Variants in PRKCE observed in about 807,000 individuals in gnomAD.
The protein encoded by PRKCE is protein kinase C epsilon.
PRKCE carries 16 observed loss-of-function variants against 85.4 expected under a neutral mutation model. That is an observed-to-expected ratio of 0.19 (90% confidence interval 0.13 to 0.28). PRKCE has a LOEUF of 0.28. PRKCE is among the 10% of genes least tolerant of loss of function. The probability of loss-of-function intolerance (pLI) is 1.00; values close to 1 mark genes in which losing one functional copy is unlikely to be tolerated. For missense variants in PRKCE, 573 were observed against 975.2 expected (o/e 0.59, Z 5.49); for synonymous variants, 388 against 371.5 (o/e 1.04, Z -0.51).
At chr2:45,838,136 G>C (rs915295864) in intron 1 of PRKCE, among the ~76,000 whole-genome samples, 2 of 152,204 alleles carry the variant, frequency 1.3e-5, no homozygotes, top group Non-Finnish European at 2.9e-5. Flanking sequence ...AGGTGTCTGA[G>C]GTATTGCTGT....
chr2:46,179,960 GC>G (rs1679807193), intron 14 of PRKCE, among the ~76,000 whole-genome samples: 1 of 152,198 alleles, frequency 6.6e-6, no homozygotes, highest in African/African-American at 2.4e-5. Flanking sequence ...CAAGAGAGGT[GC>G]ATTTATTAAT....
At chr2:45,742,026 G>C (rs1057283017) in intron 1 of PRKCE, among the ~76,000 whole-genome samples, 5 of 152,092 alleles carry the variant, frequency 3.3e-5, no homozygotes, top group African/African-American at 1.2e-4. Context: ...CTTGCTTCCA[G>C]GTGCTCTCCA....
In PRKCE at chr2:45,907,467, C is replaced by G. The variant is rs930515942; in HGVS notation, c.412+64404C>G. Among the ~76,000 whole-genome samples, 3 of 152,186 alleles carry G rather than the reference C, an allele frequency of 2.0e-5. No individual in the cohort carries two copies. The South Asian group carries it at 6.2e-4, about 32-fold the overall frequency. On this transcript the variant is annotated intron_variant, in intron 2 of 14. Coordinates refer to ENST00000306156, the MANE Select transcript of PRKCE (RefSeq NM_005400.3). The surrounding 1 kb of genome is among the most constrained non-coding windows in gnomAD (Gnocchi z 4.5). ...TGAACAAAACCAAGACGAGTTTTGT[C>G]CCTGCCACAGAGGTAACAATGGACG...
At chr2:46,010,773 G>A in intron 10 of PRKCE, 1 of 1,596,646 alleles carries the variant, frequency 6.3e-7, no homozygotes, top group Non-Finnish European at 8.5e-7. Flanking sequence ...AAGCCAAATG[G>A]CTAAACTCAC....
intron 1 of PRKCE, among the ~76,000 whole-genome samples, chr2:45,679,191 C>T (rs535349286): frequency 6.6e-6 from 1 of 152,266 alleles, no homozygotes; most frequent in South Asian, 2.1e-4. Context: ...GGCAGTGTGG[C>T]TGCAATAGAA....
chr2:45,926,578 G>A (rs771154476), intron 2 of PRKCE, among the ~76,000 whole-genome samples: 1 of 152,200 alleles, frequency 6.6e-6, no homozygotes, highest in African/African-American at 2.4e-5. Flanking sequence ...CTGTGAGGTA[G>A]GCAGAGTATT....
intron 1 of PRKCE, among the ~76,000 whole-genome samples, chr2:45,789,872 A>T (rs1340406562): frequency 6.6e-6 from 1 of 152,230 alleles, no homozygotes; most frequent in Non-Finnish European, 1.5e-5. Context: ...TTCTGAAGAT[A>T]ATGAAAACTT....
intron 6 of PRKCE, among the ~76,000 whole-genome samples, chr2:45,991,363 A>ATT (rs80278318): frequency 0.19 from 28,387 of 151,758 alleles, 3,746 homozygotes; most frequent in East Asian, 0.55. Flanking sequence ...GAGGACAGAG[A>ATT]TTTTTTTTTG....
intron 14 of PRKCE, among the ~76,000 whole-genome samples, chr2:46,182,105 C>G (rs1680036028): frequency 6.6e-6 from 1 of 152,290 alleles, no homozygotes; most frequent in Admixed American, 6.5e-5. Context: ...CTCCAGCTCC[C>G]CCGGCGTGGA....
At chr2:45,730,256 A>G (rs1296471554) in intron 1 of PRKCE, among the ~76,000 whole-genome samples, 2 of 152,054 alleles carry the variant, frequency 1.3e-5, no homozygotes, top group African/African-American at 4.8e-5. Context: ...GGGCTCAAAC[A>G]ACCCTCCCAT....
intron 11 of PRKCE, among the ~76,000 whole-genome samples, chr2:46,130,749 C>T (rs78575917): frequency 0.012 from 1,853 of 152,304 alleles, 36 homozygotes; most frequent in African/African-American, 0.043. Context: ...CCTACCCACA[C>T]GTAGCTTCAT....
chr2:45,688,921 C>G (rs1270517013), intron 1 of PRKCE, among the ~76,000 whole-genome samples: 1 of 152,208 alleles, frequency 6.6e-6, no homozygotes, highest in Non-Finnish European at 1.5e-5. Context: ...TCGTTGGTTG[C>G]TCATCCACAA....
chr2:46,145,242 T>C lies in PRKCE; in HGVS notation c.1731+11T>C. 1 of 1,599,516 alleles carries C rather than the reference T, an allele frequency of 6.3e-7. No homozygotes were observed. The highest frequency in any genetic ancestry group is 8.5e-7 in the Non-Finnish European group (1 of 1,179,852). On this transcript the variant is annotated intron_variant, in intron 12 of 14. Coordinates refer to ENST00000306156, the MANE Select transcript of PRKCE (RefSeq NM_005400.3). This position sits in a 1 kb window ranked among gnomAD's most constrained non-coding sequence, Gnocchi z 4.6. The stretch of plus-strand genomic sequence containing the variant: ...TACATAGCTCCTGAGGTAAGACCTG[T>C]GTGCAAAGGTTCACCTCCTCCTGGT...
intron 8 of PRKCE, 27 bp from the exon 9 acceptor site, chr2:46,007,435 G>C (rs752313463): frequency 6.3e-7 from 1 of 1,597,286 alleles, no homozygotes; most frequent in Non-Finnish European, 8.5e-7. Context: ...ATGCACTAAT[G>C]CAATTTCTTG....
At chr2:46,073,215 A>G (rs1416437104) in intron 10 of PRKCE, among the ~76,000 whole-genome samples, 4 of 152,236 alleles carry the variant, frequency 2.6e-5, no homozygotes, top group Non-Finnish European at 5.9e-5. Context: ...AACTCATTGT[A>G]GAACAAGGCA....
chr2:46,107,751 C>T (rs952138323), intron 11 of PRKCE, among the ~76,000 whole-genome samples: 2 of 152,122 alleles, frequency 1.3e-5, no homozygotes, highest in East Asian at 1.9e-4. Flanking sequence ...TGTAGTCATT[C>T]TAATAGGTGG....
At chr2:45,716,620 G>A (rs1680117418) in intron 1 of PRKCE, among the ~76,000 whole-genome samples, 1 of 142,898 alleles carries the variant, frequency 7.0e-6, no homozygotes, top group Non-Finnish European at 1.5e-5. Flanking sequence ...AGAAGAAGAA[G>A]AAGGAGAAGG....
chr2:45,980,460 G>C, intron 5 of PRKCE, 79 bp downstream of exon 5: 1 of 1,344,838 alleles, frequency 7.4e-7, no homozygotes, highest in Non-Finnish European at 1.0e-6. Context: ...TGGTTCCCAA[G>C]AAAACCTTCT....
chr2:45,678,731 G>A (rs1047374722), intron 1 of PRKCE, among the ~76,000 whole-genome samples: 1 of 151,698 alleles, frequency 6.6e-6, no homozygotes, highest in Non-Finnish European at 1.5e-5. Flanking sequence ...GCTCAGCCTC[G>A]ATGGACTCTG....
Sources: allele counts gnomAD v4.1 joint callset (sites outside exome capture counted in the v4.1 genomes callset), GRCh38; gene constraint gnomAD v4.1.1; non-coding constraint Gnocchi (gnomAD v3.1); transcripts MANE v1.5; gene names NCBI Gene and HGNC (gene_info 2026-07-23, HGNC 2026-07-21).